The following PDK1 variants were observed in gnomAD, a reference collection of about 807,000 sequenced individuals.
PDK1 encodes the protein [Pyruvate dehydrogenase (acetyl-transferring)] kinase isozyme 1, mitochondrial.
A neutral mutation model predicts 54.2 loss-of-function variants in PDK1; 39 were observed. That is an observed-to-expected ratio of 0.72 (90% CI 0.56 to 0.94). PDK1 has a LOEUF of 0.94. Ranked by LOEUF, PDK1 falls within the 40% of genes least tolerant of loss-of-function variation. PDK1 has a pLI of 0.00. For missense variants in PDK1, 552 were observed against 566.0 expected (o/e 0.98, Z 0.25); for synonymous variants, 221 against 207.1 (o/e 1.07, Z -0.58).
At chr2:172,622,953 A>T in the PDK1 span, among the ~76,000 whole-genome samples, 4 of 149,516 alleles carry the variant, frequency 2.7e-5, no homozygotes, top group African/African-American at 9.8e-5. Context: ...AAATATTTAG[A>T]TAGATAGATA....
At chr2:172,625,036 T>A in the PDK1 span, among the ~76,000 whole-genome samples, 1 of 150,866 alleles carries the variant, frequency 6.6e-6, no homozygotes, top group African/African-American at 2.4e-5. Flanking sequence ...AGCCTGATAA[T>A]GTCTTTTGAA....
chr2:172,583,857 T>C (rs1307910605), intron 8 of PDK1, among the ~76,000 whole-genome samples: 1 of 152,142 alleles, frequency 6.6e-6, no homozygotes, highest in African/African-American at 2.4e-5. Flanking sequence ...TATATATACA[T>C]AAATTAAAAG....
At chr2:172,634,102 C>T in the PDK1 span, among the ~76,000 whole-genome samples, 2 of 151,110 alleles carry the variant, frequency 1.3e-5, no homozygotes, top group Non-Finnish European at 3.0e-5. Flanking sequence ...TCTCGAACTC[C>T]TGAGAGCTCA....
At chr2:172,700,815 A>G in the PDK1 span, among the ~76,000 whole-genome samples, 4 of 152,214 alleles carry the variant, frequency 2.6e-5, no homozygotes, top group Non-Finnish European at 5.9e-5. Flanking sequence ...CAGCCTGGCC[A>G]ACACGGCAAA....
chr2:172,646,812 A>C, the PDK1 span, among the ~76,000 whole-genome samples: 1 of 141,614 alleles, frequency 7.1e-6, no homozygotes, highest in Admixed American at 7.9e-5. Flanking sequence ...ATCTCAGCTC[A>C]CTATAACCTC....
At chr2:172,721,157 AC>A in the PDK1 span, among the ~76,000 whole-genome samples, 2 of 152,138 alleles carry the variant, frequency 1.3e-5, no homozygotes, top group African/African-American at 4.8e-5. Flanking sequence ...CAGAGCTTGT[AC>A]CCTGTATTCT....
At chr2:172,662,735 T>C in the PDK1 span, among the ~76,000 whole-genome samples, 1 of 152,160 alleles carries the variant, frequency 6.6e-6, no homozygotes, top group African/African-American at 2.4e-5. Flanking sequence ...AAGCACTTCT[T>C]TGCAGCTAAA....
the PDK1 span, among the ~76,000 whole-genome samples, chr2:172,663,968 C>CT: frequency 0.6 from 87,077 of 145,616 alleles, 26,798 homozygotes; most frequent in Middle Eastern, 0.7. Flanking sequence ...CCATATGTGG[C>CT]TTTTTTTTTT....
chr2:172,642,787 ACT>A, the PDK1 span, among the ~76,000 whole-genome samples: 2 of 144,062 alleles, frequency 1.4e-5, no homozygotes, highest in African/African-American at 5.2e-5. Context: ...TCCTCCTCCC[ACT>A]CCTCCTCCTC....
chr2:172,670,906 T>A, the PDK1 span, among the ~76,000 whole-genome samples: 9 of 152,160 alleles, frequency 5.9e-5, no homozygotes, highest in African/African-American at 2.2e-4. Flanking sequence ...GAGTCTGTCA[T>A]CCAATTGGAT....
the PDK1 span, among the ~76,000 whole-genome samples, chr2:172,688,908 G>A: frequency 2.6e-5 from 4 of 152,136 alleles, no homozygotes; most frequent in East Asian, 1.9e-4. Context: ...TCATGGTCTC[G>A]CTGACTTCAA....
the PDK1 span, among the ~76,000 whole-genome samples, chr2:172,627,047 T>C: frequency 6.6e-6 from 1 of 152,186 alleles, no homozygotes; most frequent in Non-Finnish European, 1.5e-5. Flanking sequence ...AATGAGAATC[T>C]GAAAAAGCTT....
the PDK1 span, among the ~76,000 whole-genome samples, chr2:172,679,283 A>T: frequency 2.0e-5 from 3 of 151,606 alleles, no homozygotes; most frequent in African/African-American, 7.3e-5. Context: ...CTGTCTCTAA[A>T]TTTTTTTTTA....
chr2:172,664,168 G>A, the PDK1 span, among the ~76,000 whole-genome samples: 7 of 151,450 alleles, frequency 4.6e-5, no homozygotes, highest in South Asian at 4.2e-4. Context: ...AAAATTAGCC[G>A]GGCATGGTGG....
At chr2:172,718,754 C>CAATAT in the PDK1 span, among the ~76,000 whole-genome samples, 2 of 152,040 alleles carry the variant, frequency 1.3e-5, no homozygotes, top group Admixed American at 6.5e-5. Context: ...TCTTGTAAGG[C>CAATAT]AATATAATAG....
chr2:172,671,606 C>CTGTCTAAA, the PDK1 span, among the ~76,000 whole-genome samples: 1 of 150,170 alleles, frequency 6.7e-6, no homozygotes, highest in Non-Finnish European at 1.5e-5. Context: ...TTGTAAATTA[C>CTGTCTAAA]TGTCTAAATG....
At chr2:172,557,626 T>C (rs1052682993) in intron 1 of PDK1, among the ~76,000 whole-genome samples, 1 of 151,054 alleles carries the variant, frequency 6.6e-6, no homozygotes, top group Non-Finnish European at 1.5e-5. Flanking sequence ...TGTGTGTGTG[T>C]GTGTGTGTGT....
At chr2:172,569,114 A>G (rs1292247251) in intron 7 of PDK1, among the ~76,000 whole-genome samples, 1 of 152,206 alleles carries the variant, frequency 6.6e-6, no homozygotes, top group Non-Finnish European at 1.5e-5. Flanking sequence ...CTTTTCTGTA[A>G]AACAAGAATA....
intron 8 of PDK1, among the ~76,000 whole-genome samples, chr2:172,580,086 T>TA (rs1689816047): frequency 2.6e-5 from 4 of 152,044 alleles, no homozygotes; most frequent in South Asian, 2.1e-4. Context: ...TATTTTTTTT[T>TA]AATTAATTTG....
Sources: gnomAD v4.1 joint callset for allele counts (sites outside exome capture counted in the v4.1 genomes callset) on GRCh38, gnomAD v4.1.1 for gene constraint, MANE v1.5 for transcripts, NCBI Gene and HGNC (gene_info 2026-07-23, HGNC 2026-07-21) for gene names.